Variants in MALRD1 observed in about 807,000 individuals in gnomAD.
MALRD1 encodes the protein MAM and LDL receptor class A domain containing 1.
In MALRD1, 247 loss-of-function variants were observed where a neutral mutation model predicts 242.1. The observed-to-expected ratio is 1.02, with a 90% CI of 0.92 to 1.13. The LOEUF (loss-of-function observed/expected upper bound fraction) is 1.13. Among genes scored for constraint, MALRD1 ranks in the 50% most tolerant of loss-of-function variants. The pLI, the probability that MALRD1 is intolerant of heterozygous loss-of-function variation, is 0.00. For missense variants in MALRD1, 2,989 were observed against 2,533.1 expected (o/e 1.18, Z -3.86); for synonymous variants, 995 against 866.6 (o/e 1.15, Z -2.60).
At chr10:19,159,175 G>T (rs1588628851) in intron 12 of MALRD1, among the ~76,000 whole-genome samples, 1 of 152,092 alleles carries the variant, frequency 6.6e-6, no homozygotes, top group East Asian at 1.9e-4. Context: ...CCAGGAAAAA[G>T]CATAACTGAC....
intron 29 of MALRD1, chr10:19,488,553 C>A (rs1377028538): frequency 6.5e-6 from 1 of 152,778 alleles, no homozygotes; most frequent in Non-Finnish European, 1.5e-5. Context: ...CAGCGGGCAC[C>A]TGGGGCTCTG....
chr10:19,066,441 A>G (rs555070929), intron 1 of MALRD1, among the ~76,000 whole-genome samples: 12 of 152,350 alleles, frequency 7.9e-5, no homozygotes, highest in Non-Finnish European at 1.2e-4. Flanking sequence ...TAAGACAGTT[A>G]GTTAATAAGA....
chr10:19,371,137 C>A (rs1845357458), intron 26 of MALRD1, among the ~76,000 whole-genome samples: 1 of 150,440 alleles, frequency 6.6e-6, no homozygotes. Flanking sequence ...GTGGCATGCA[C>A]CTGTCGTCCC....
intron 32 of MALRD1, among the ~76,000 whole-genome samples, chr10:19,531,589 T>C (rs1834419896): frequency 1.3e-5 from 2 of 152,172 alleles, no homozygotes; most frequent in African/African-American, 4.8e-5. Flanking sequence ...TTGTATGGTA[T>C]TTAAAAGATT....
At chr10:19,302,849 G>T (rs1209248448) in intron 21 of MALRD1, among the ~76,000 whole-genome samples, 1 of 151,608 alleles carries the variant, frequency 6.6e-6, no homozygotes, top group Non-Finnish European at 1.5e-5. Context: ...AACTATTAAA[G>T]ATATGTTTAA....
In MALRD1 at chr10:19,192,450, G is replaced by C. The variant is rs1422386809; in HGVS notation, c.1952-11278G>C. Among the ~76,000 whole-genome samples the C allele has an allele frequency of 2.0e-5, 3 of 152,204 alleles. No individual in the cohort carries two copies. The East Asian group carries it at 5.8e-4, about 29-fold the overall frequency. On this transcript the variant is annotated intron_variant, in intron 14 of 39. Transcript: ENST00000454679. ...AAAGATGTAAGGAGCCACATGAAAA[G>C]ATATGACAGGTGGGCTTAAGGAGAT...
At chr10:19,455,829 G>A (rs1835619007) in intron 29 of MALRD1, among the ~76,000 whole-genome samples, 1 of 152,176 alleles carries the variant, frequency 6.6e-6, no homozygotes, top group Non-Finnish European at 1.5e-5. Context: ...GGAGAGCTGG[G>A]CTGAAATGTG....
Position 19,280,071 on chromosome 10 carries a change from C to A in MALRD1, c.3104C>A (p.Thr1035Asn). 4.0e-6 allele frequency: 6 copies of A among 1,516,568 alleles called. No homozygotes were observed. Among genetic ancestry groups the A allele is most frequent in the Admixed American group, 2.4e-5 (1 of 41,766 alleles). The allele number at this position is 1,516,568 out of a possible 1,614,324, so 93.9% of individuals were successfully genotyped here. Reference sequence around the variant, plus strand: ...GGTAATTTGCCAGCAGACCTCCCAACTCCACCAGAAACGTCAGTTCCTGTA... The same window carrying A: ...GGTAATTTGCCAGCAGACCTCCCAAATCCACCAGAAACGTCAGTTCCTGTA... ...YPGNLPADLP[T>N]PPETSVPVTL... Residue 1035 changes from threonine to asparagine, a missense_variant, in exon 20 of 40, where the codon ACT (threonine) becomes AAT (asparagine). Physicochemically the swap from Thr to Asn is moderately conservative, Grantham distance 65. Transcript: ENST00000454679.
At chr10:19,513,913 G>A (rs1485939923) in intron 31 of MALRD1, among the ~76,000 whole-genome samples, 1 of 152,064 alleles carries the variant, frequency 6.6e-6, no homozygotes, top group Non-Finnish European at 1.5e-5. Context: ...TATTGGGTTA[G>A]CAATTTAGGT....
At chr10:19,434,277 T>G (rs1277104067) in intron 28 of MALRD1, among the ~76,000 whole-genome samples, 1 of 152,168 alleles carries the variant, frequency 6.6e-6, no homozygotes, top group Non-Finnish European at 1.5e-5. Context: ...ATCTATCCAA[T>G]GTGTATATTG....
chr10:19,599,396 C>A (rs1333905950), intron 34 of MALRD1, among the ~76,000 whole-genome samples: 1 of 151,752 alleles, frequency 6.6e-6, no homozygotes, highest in Non-Finnish European at 1.5e-5. Flanking sequence ...TTTTCATGGA[C>A]TGAAGCAATA....
At chr10:19,694,767 GC>G (rs1228717636) in intron 38 of MALRD1, among the ~76,000 whole-genome samples, 2 of 152,188 alleles carry the variant, frequency 1.3e-5, no homozygotes, top group Non-Finnish European at 2.9e-5. Context: ...AAAGACACAT[GC>G]ACATGTACGT....
intron 31 of MALRD1, among the ~76,000 whole-genome samples, chr10:19,499,758 T>A (rs1413828136): frequency 6.6e-6 from 1 of 152,242 alleles, no homozygotes; most frequent in Non-Finnish European, 1.5e-5. Context: ...CAAAAGATTG[T>A]CCTAGCCATT....
chr10:19,268,449 A>G, intron 19 of MALRD1, among the ~76,000 whole-genome samples: 1 of 152,158 alleles, frequency 6.6e-6, no homozygotes, highest in East Asian at 1.9e-4. Context: ...AGTGAAATAG[A>G]AGAAATGGAT....
At chr10:19,168,599 T>G (rs1231047175) in intron 13 of MALRD1, among the ~76,000 whole-genome samples, 6 of 152,350 alleles carry the variant, frequency 3.9e-5, no homozygotes, top group East Asian at 3.9e-4. Flanking sequence ...TTCTCCTTTT[T>G]GGATATAGTA....
intron 36 of MALRD1, among the ~76,000 whole-genome samples, chr10:19,676,553 A>G (rs1325808943): frequency 6.6e-6 from 1 of 152,234 alleles, no homozygotes; most frequent in Non-Finnish European, 1.5e-5. Context: ...AGTTTGAATA[A>G]TGCAGCCAAA....
intron 31 of MALRD1, among the ~76,000 whole-genome samples, chr10:19,525,605 C>T (rs1353554216): frequency 2.6e-5 from 4 of 152,096 alleles, no homozygotes; most frequent in African/African-American, 9.7e-5. Context: ...TATTCATTGC[C>T]TAATTGTAGC....
At chr10:19,210,042 T>A (rs2245146) in intron 18 of MALRD1, among the ~76,000 whole-genome samples, 132,637 of 152,214 alleles carry the variant, frequency 0.87, 57,950 homozygotes, top group African/African-American at 0.94. Context: ...GTGATTTTGC[T>A]TATTTCATTT....
chr10:19,688,628 T>G (rs753491863), intron 36 of MALRD1, among the ~76,000 whole-genome samples: 1 of 152,162 alleles, frequency 6.6e-6, no homozygotes, highest in Non-Finnish European at 1.5e-5. Context: ...CTCTAGTTAG[T>G]GCAGACAGGA....
Sources: gnomAD v4.1 joint callset for allele counts (sites outside exome capture counted in the v4.1 genomes callset) on GRCh38, gnomAD v4.1.1 for gene constraint, MANE v1.5 for transcripts, NCBI Gene and HGNC (gene_info 2026-07-23, HGNC 2026-07-21) for gene names.